DNAH5: variants seen among roughly 807,000 people sequenced by gnomAD.
DNAH5 encodes the protein dynein axonemal heavy chain 5.
DNAH5 carries 372 observed loss-of-function variants against 518.2 expected under a neutral mutation model. That is an observed-to-expected ratio of 0.72 (90% CI 0.66 to 0.78). The LOEUF is 0.78. Ranked by LOEUF, DNAH5 falls within the 30% of genes least tolerant of loss-of-function variation. The probability of loss-of-function intolerance (pLI) is 0.00; values close to 1 mark genes in which losing one functional copy is unlikely to be tolerated. For synonymous variants in DNAH5, 2,039 were observed against 2,025.9 expected (o/e 1.01, Z -0.17); for missense variants, 5,523 against 5,687.0 (o/e 0.97, Z 0.93).
intron 47 of DNAH5, among the ~76,000 whole-genome samples, chr5:13,799,001 G>T (rs1758299184): frequency 6.6e-6 from 1 of 151,892 alleles, no homozygotes; most frequent in Admixed American, 6.6e-5. Context: ...CCTGACCTCA[G>T]GTGATCCACC....
intron 38 of DNAH5, among the ~76,000 whole-genome samples, chr5:13,828,157 A>T (rs1763148877): frequency 6.6e-6 from 1 of 152,256 alleles, no homozygotes; most frequent in Non-Finnish European, 1.5e-5. Flanking sequence ...GACTAACCAG[A>T]AAGGCTCAAT....
Position 13,754,387 on chromosome 5 carries a change from C to T in DNAH5, c.10420-49G>A, listed in dbSNP as rs776054774. 9.3e-6 allele frequency: 15 copies of T among 1,608,062 alleles called. No individual in the cohort carries two copies. In the South Asian group the frequency reaches 1.4e-4, roughly 15 times the overall value. ...AAAGCTTTTACTGAAATAAACATAGCCACTGGCTCAAAAATATAATTGTAG... is the reference window on the plus strand; with the variant it reads ...AAAGCTTTTACTGAAATAAACATAGTCACTGGCTCAAAAATATAATTGTAG... On this transcript the variant is annotated intron_variant, in intron 61 of 78. Coordinates refer to ENST00000265104, the MANE Select transcript of DNAH5 (RefSeq NM_001369.3).
chr5:13,829,846 GGAC>G (rs1763403965), intron 37 of DNAH5, 142 bp from the exon 38 acceptor site: 1 of 1,112,604 alleles, frequency 9.0e-7, no homozygotes, highest in Non-Finnish European at 1.3e-6. Context: ...CGTTTTACCT[GGAC>G]AGGCTAAGTC....
Position 13,839,360 on chromosome 5 carries a change from C to A in DNAH5, c.5878G>T (p.Asp1960Tyr), listed in dbSNP as rs1298235452. 7.4e-6 allele frequency: 12 copies of A among 1,613,898 alleles called. No individual in the cohort carries two copies. In the Admixed American group the frequency reaches 2.0e-4, roughly 27 times the overall value. The change falls in exon 35 of 79, where the codon GAC (aspartate) becomes TAC (tyrosine). Residue 1960 changes from aspartate (D) to tyrosine (Y), a missense_variant. By Grantham distance (160) the Asp-to-Tyr change is radical. This residue lies in a region of DNAH5 where 5,121 missense variants were observed against 5,223.3 expected (regional missense o/e 0.98). Coordinates refer to ENST00000265104, the MANE Select transcript of DNAH5 (RefSeq NM_001369.3). ...TGGGGAGAAGGGTTCCATCACCTGT[C>A]TGTAAGTGGAGTTATTACAAGCCTG... is the stretch of plus-strand genomic sequence containing the variant. ...TDRLVITPLT[D>Y]RCYITLAQAL...
intron 70 of DNAH5, among the ~76,000 whole-genome samples, chr5:13,722,203 T>C (rs1745148076): frequency 1.3e-5 from 2 of 152,148 alleles, no homozygotes. Context: ...AGATGGAGCT[T>C]CCCTTGAATC....
chr5:13,775,419 T>C (rs1753941905), intron 55 of DNAH5, among the ~76,000 whole-genome samples: 2 of 152,044 alleles, frequency 1.3e-5, no homozygotes, highest in African/African-American at 4.8e-5. Context: ...GATAGATGGA[T>C]GGATAGATAA....
chr5:13,850,933 A>G (rs1392088566), intron 30 of DNAH5, 118 bp from the exon 31 acceptor site: 1 of 959,098 alleles, frequency 1.0e-6, no homozygotes, highest in Non-Finnish European at 1.7e-6. Context: ...TATCCAAGCA[A>G]TATATGCCTA....
rs747614788 is a variant in DNAH5, at chr5:13,751,211, T to C, written c.11078A>G (p.Tyr3693Cys). Reference protein sequence around the residue: ...EVDVLDGFRLYITTKLPNPAY... With the variant: ...EVDVLDGFRLCITTKLPNPAY... The stretch of plus-strand genomic sequence containing the variant: ...TGGGTTAGGCAATTTGGTGGTAATG[T>C]AGAGTCTAAAGCCATCCAACACATC... The change falls in exon 65 of 79, where the codon TAC becomes TGC. Residue 3693 changes from tyrosine to cysteine, a missense_variant. By Grantham distance (194) the Tyr-to-Cys change is radical (BLOSUM62 -2). This residue lies in a region of DNAH5 where 5,121 missense variants were observed against 5,223.3 expected (regional missense o/e 0.98). Coordinates refer to ENST00000265104, the MANE Select transcript of DNAH5 (RefSeq NM_001369.3). 2.5e-6 allele frequency: 4 copies of C among 1,613,926 alleles called. No individual in the cohort carries two copies. Among genetic ancestry groups the C allele is most frequent in the Admixed American group, 3.3e-5 (2 of 59,968 alleles).
At chr5:13,915,256 A>G (rs1400693444) in intron 9 of DNAH5, among the ~76,000 whole-genome samples, 1 of 152,098 alleles carries the variant, frequency 6.6e-6, no homozygotes, top group Non-Finnish European at 1.5e-5. Flanking sequence ...GGGTGGGGGT[A>G]TAGGTGAAAC....
chr5:13,901,230 G>C (rs150480592), intron 14 of DNAH5, 22 bp downstream of exon 14: 3 of 1,608,422 alleles, frequency 1.9e-6, no homozygotes, highest in African/African-American at 1.3e-5. Flanking sequence ...ACAATGGGAA[G>C]AGTATAAATT....
intron 35 of DNAH5, among the ~76,000 whole-genome samples, chr5:13,838,333 C>T (rs1176766693): frequency 6.6e-6 from 1 of 152,132 alleles, no homozygotes; most frequent in East Asian, 1.9e-4. Flanking sequence ...AGGAACCGGG[C>T]CACACAGCAG....
chr5:13,993,311 AT>A (rs1191952312), intron 1 of DNAH5, among the ~76,000 whole-genome samples: 1 of 152,150 alleles, frequency 6.6e-6, no homozygotes, highest in Non-Finnish European at 1.5e-5. Flanking sequence ...CTGTCTCTAA[AT>A]TTTCTCTTTA....
At chr5:13,988,858 C>G (rs563367353) in intron 1 of DNAH5, among the ~76,000 whole-genome samples, 11 of 151,938 alleles carry the variant, frequency 7.2e-5, no homozygotes, top group Admixed American at 5.9e-4. Context: ...TCCCAAGTAG[C>G]TGGGATTACA....
rs548964103 is a variant in DNAH5 at position 13,875,234 on chromosome 5, A to G, written c.3396+1450T>C. ...TGTAATCCCAGCACTTTGGGAGGCCAAGGCAGGTGGATCACCTGAGGTCAG... is the reference window on the plus strand; with the variant it reads ...TGTAATCCCAGCACTTTGGGAGGCCGAGGCAGGTGGATCACCTGAGGTCAG... On this transcript the variant is annotated intron_variant, in intron 22 of 78. Transcript: ENST00000265104. 5.9e-5 allele frequency among the ~76,000 whole-genome samples: 9 copies of G among 152,232 alleles called. No individual in the cohort carries two copies. In the South Asian group the frequency reaches 1.9e-3, roughly 32 times the overall value.
chr5:13,946,850 A>G (rs1779966135), upstream of DNAH5, among the ~76,000 whole-genome samples: 1 of 152,270 alleles, frequency 6.6e-6, no homozygotes, highest in South Asian at 2.1e-4. Flanking sequence ...AAAGCTCGTG[A>G]GTGCCTTTTA....
chr5:13,898,756 A>G (rs1774215460), intron 15 of DNAH5: 1 of 396,570 alleles, frequency 2.5e-6, no homozygotes, highest in Non-Finnish European at 4.4e-6. Flanking sequence ...TGGACTTAGT[A>G]TTGTCACGTG....
Position 13,882,959 on chromosome 5 carries a change from C to T in DNAH5, c.3119G>A (p.Cys1040Tyr). ...VQQTLNKAVE[C>Y]IISVPKGVRQ... ...GACCCCCTTAGGGACACTGATGATG[C>T]ACTCCACGGCTTTGTTCAGGGTCTG... The change falls in exon 20 of 79, where the codon TGC (cysteine) becomes TAC (tyrosine). Residue 1040 changes from cysteine to tyrosine, a missense_variant. Physicochemically the swap from Cys to Tyr is radical, Grantham distance 194. Around this residue, in one of 3 missense-constraint regions of DNAH5, gnomAD observed 5,121 missense variants for 5,223.3 expected, o/e 0.98. Transcript: ENST00000265104. The T allele has an allele frequency of 6.2e-7, 1 of 1,614,158 alleles. No individual in the cohort carries two copies. The highest frequency in any genetic ancestry group is 8.5e-7 in the Non-Finnish European group (1 of 1,180,022).
Position 13,769,574 on chromosome 5 carries a change from G to C in DNAH5, c.9647C>G (p.Ser3216Cys), listed in dbSNP as rs1228691736. The C allele has an allele frequency of 1.2e-6, 2 of 1,614,040 alleles. No homozygotes were observed. ...CAGTTCTTTACTCAAGGCTGCAACAGACTCTGAAGCTTCTTTGAGCTTTTC... is the reference window on the plus strand; with the variant it reads ...CAGTTCTTTACTCAAGGCTGCAACACACTCTGAAGCTTCTTTGAGCTTTTC... The part of the protein sequence containing the change: ...GLEKLKEASE[S>C]VAALSKELEA... Residue 3216 changes from serine (S) to cysteine (C), a missense_variant, in exon 57 of 79, where the codon TCT becomes TGT. Around this residue, in one of 3 missense-constraint regions of DNAH5, gnomAD observed 5,121 missense variants for 5,223.3 expected, o/e 0.98. Coordinates refer to ENST00000265104, the MANE Select transcript of DNAH5 (RefSeq NM_001369.3).
Position 13,780,915 on chromosome 5 carries a change from G to A in DNAH5, c.8865C>T (p.Val2955=), listed in dbSNP as rs564462253. 80 of 1,613,696 alleles carry A rather than the reference G, an allele frequency of 5.0e-5. No homozygotes were observed. Among genetic ancestry groups the A allele is most frequent in the South Asian group, 4.3e-4 (39 of 91,034 alleles). ...IRTPQGNALL[V]GVGGSGKQSL... is the part of the protein sequence containing the mutation. ...TCTGCTTTCCTGATCCGCCCACCCC[G>A]ACCAGGAGGGCATTTCCCTGAGGAG... Residue 2955 remains valine (V), a synonymous_variant, in exon 53 of 79, where the codon GTC becomes GTT. Transcript: ENST00000265104.
Sources: gnomAD v4.1 joint callset for allele counts (sites outside exome capture counted in the v4.1 genomes callset) on GRCh38, gnomAD v4.1.1 for gene constraint, gnomAD v4.1.1 regional missense constraint, MANE v1.5 for transcripts, NCBI Gene and HGNC (gene_info 2026-07-23, HGNC 2026-07-21) for gene names.